Variants in CSMD1 observed in about 807,000 individuals in gnomAD.
The protein encoded by CSMD1 is CUB and sushi domain-containing protein 1.
CSMD1 carries 213 observed loss-of-function variants against 417.5 expected under a neutral mutation model. The observed-to-expected ratio is 0.51, with a 90% confidence interval of 0.46 to 0.57. The LOEUF (loss-of-function observed/expected upper bound fraction) is 0.57, where lower values mean the gene tolerates loss of function less well. CSMD1 is among the 20% of genes least tolerant of loss of function. The probability of loss-of-function intolerance (pLI) is 0.00; values close to 1 mark genes in which losing one functional copy is unlikely to be tolerated. For synonymous variants in CSMD1, 2,862 were observed against 1,736.8 expected, an observed-to-expected ratio of 1.65 and a Z score of -16.11; for missense variants, 6,923 against 4,529.7, an observed-to-expected ratio of 1.53 and a Z score of -15.17.
intron 1 of CSMD1, among the ~76,000 whole-genome samples, chr8:4,912,562 G>A (rs943766778): frequency 6.6e-6 from 1 of 152,128 alleles, no homozygotes; most frequent in Non-Finnish European, 1.5e-5. Context: ...ACTTCACTGG[G>A]GTAGTCTGAA....
chr8:2,969,906 T>A (rs1362336933), intron 57 of CSMD1, among the ~76,000 whole-genome samples: 1 of 152,180 alleles, frequency 6.6e-6, no homozygotes, highest in East Asian at 1.9e-4. Flanking sequence ...CAGCTTCCCA[T>A]GATGTCCGTA....
At chr8:3,210,560 T>C (rs1244114886) in intron 30 of CSMD1, among the ~76,000 whole-genome samples, 1 of 71,964 alleles carries the variant, frequency 1.4e-5, no homozygotes, top group Non-Finnish European at 2.9e-5. Context: ...TGTATATATG[T>C]ATAATTCCTA....
chr8:4,086,380 A>C (rs1344193188), intron 3 of CSMD1, among the ~76,000 whole-genome samples: 1 of 152,194 alleles, frequency 6.6e-6, no homozygotes, highest in Non-Finnish European at 1.5e-5. Context: ...AAGCAAAACA[A>C]AATTCAGTAC....
At chr8:3,822,577 G>C (rs1029365053) in intron 5 of CSMD1, among the ~76,000 whole-genome samples, 1 of 152,140 alleles carries the variant, frequency 6.6e-6, no homozygotes, top group East Asian at 1.9e-4. Context: ...CACTTCATGG[G>C]TTTATTGGTA....
intron 1 of CSMD1, among the ~76,000 whole-genome samples, chr8:4,873,925 T>A (rs1802884211): frequency 6.6e-6 from 1 of 151,934 alleles, no homozygotes; most frequent in Non-Finnish European, 1.5e-5. Context: ...AAGAAGGAAG[T>A]ATGGAAGGGG....
intron 5 of CSMD1, among the ~76,000 whole-genome samples, chr8:3,777,372 G>C (rs964883973): frequency 6.6e-6 from 1 of 152,064 alleles, no homozygotes; most frequent in South Asian, 2.1e-4. Context: ...TGAGCTAACT[G>C]CTGCAGGATA....
intron 1 of CSMD1, among the ~76,000 whole-genome samples, chr8:4,872,884 C>A (rs553963127): frequency 3.9e-5 from 6 of 152,036 alleles, no homozygotes; most frequent in Non-Finnish European, 2.9e-5. Context: ...GTAGTACTGG[C>A]GAATACTTTG....
At position 4,007,807 on chromosome 8, in the gene CSMD1, G is replaced by C. The variant is rs530019153; in HGVS notation, c.611-9697C>G. On this transcript the variant is annotated intron_variant, in intron 4 of 69. Coordinates refer to ENST00000635120, the MANE Select transcript of CSMD1 (RefSeq NM_033225.6). ...GGACTATGACAAAATATATTTAGGG[G>C]GCTATGCACGGAATCAAACCATATC... Among the ~76,000 whole-genome samples the C allele has an allele frequency of 3.3e-5, 5 of 152,072 alleles. No homozygotes were observed. In the East Asian group the frequency reaches 9.7e-4, roughly 29 times the overall value.
chr8:3,171,267 A>C (rs1820566880), intron 37 of CSMD1, among the ~76,000 whole-genome samples: 1 of 152,218 alleles, frequency 6.6e-6, no homozygotes, highest in African/African-American at 2.4e-5. Context: ...CTTCTACTTC[A>C]TTTTTACTTA....
At chr8:3,215,191 G>A (rs995733616) in intron 29 of CSMD1, among the ~76,000 whole-genome samples, 5 of 152,126 alleles carry the variant, frequency 3.3e-5, no homozygotes, top group African/African-American at 4.8e-5. Context: ...TTTCTTATAC[G>A]AATAACAACA....
At chr8:4,186,061 C>G (rs3849837) in intron 3 of CSMD1, among the ~76,000 whole-genome samples, 126,815 of 152,090 alleles carry the variant, frequency 0.83, 53,090 homozygotes, top group South Asian at 0.94. Context: ...GGATTCTGCA[C>G]GTGTGGAAGA....
rs567601111 is a variant in CSMD1 at position 4,964,217 on chromosome 8, G to C, written c.85+30115C>G. On this transcript the variant is annotated intron_variant, in intron 1 of 69. Transcript: ENST00000635120. ...TAATACATTTTAGAGCAAAATGAAT[G>C]AATGAGTAGCAGGCAGCCAGGTATG... 3.2e-4 allele frequency among the ~76,000 whole-genome samples: 48 copies of C among 152,130 alleles called. 1 individual carries two copies. The highest frequency in any genetic ancestry group is 3.4e-3 in the Middle Eastern group (1 of 294).
chr8:3,875,361 T>G (rs1297362650), intron 5 of CSMD1, among the ~76,000 whole-genome samples: 3 of 152,178 alleles, frequency 2.0e-5, no homozygotes, highest in Non-Finnish European at 4.4e-5. Context: ...AGAAGGACAG[T>G]GAGTGACGTT....
chr8:4,156,107 C>A (rs1378380243), intron 3 of CSMD1, among the ~76,000 whole-genome samples: 1 of 152,136 alleles, frequency 6.6e-6, no homozygotes, highest in African/African-American at 2.4e-5. Flanking sequence ...GCATAATAAT[C>A]ATCCGATCCT....
At chr8:3,318,053 G>C (rs1563266576) in intron 23 of CSMD1, among the ~76,000 whole-genome samples, 1 of 152,084 alleles carries the variant, frequency 6.6e-6, no homozygotes, top group Non-Finnish European at 1.5e-5. Context: ...TGCCCACCTT[G>C]GCCTCCCAAA....
chr8:3,253,348 T>A (rs752689479), intron 26 of CSMD1, among the ~76,000 whole-genome samples: 5 of 152,124 alleles, frequency 3.3e-5, no homozygotes, highest in African/African-American at 7.2e-5. Flanking sequence ...TTTGAGTGAG[T>A]TTCTTATTTC....
At chr8:3,141,854 G>A (rs747952235) in intron 41 of CSMD1, among the ~76,000 whole-genome samples, 7 of 149,824 alleles carry the variant, frequency 4.7e-5, no homozygotes, top group Admixed American at 6.7e-5. Context: ...CTGGAGTGCA[G>A]TGGCGCGATC....
chr8:4,805,505 A>G (rs185374583), intron 1 of CSMD1, among the ~76,000 whole-genome samples: 115 of 152,210 alleles, frequency 7.6e-4, no homozygotes, highest in Middle Eastern at 6.8e-3. Context: ...ACCACTCTGC[A>G]TTGTCACTCT....
chr8:4,758,130 G>A (rs1280838804), intron 1 of CSMD1, among the ~76,000 whole-genome samples: 1 of 152,074 alleles, frequency 6.6e-6, no homozygotes, highest in Non-Finnish European at 1.5e-5. Flanking sequence ...TGGCAACATT[G>A]ACCAACCAAA....
Sources: gnomAD v4.1 joint callset for allele counts (sites outside exome capture counted in the v4.1 genomes callset) on GRCh38, gnomAD v4.1.1 for gene constraint, MANE v1.5 for transcripts, NCBI Gene and HGNC (gene_info 2026-07-23, HGNC 2026-07-21) for gene names.